CCDC170: variants seen among roughly 807,000 people sequenced by gnomAD.
The protein encoded by CCDC170 is coiled-coil domain containing 170, also known as coiled-coil domain-containing protein 170.
A neutral mutation model predicts 72.6 loss-of-function variants in CCDC170; 69 were observed. That is an observed-to-expected ratio of 0.95 (90% CI 0.78 to 1.16). The LOEUF (loss-of-function observed/expected upper bound fraction) is 1.16. Ranked by LOEUF, CCDC170 falls within the 50% of genes most tolerant of loss-of-function variation. CCDC170 has a pLI of 0.00. For missense variants in CCDC170, 852 were observed against 832.5 expected (o/e 1.02, Z -0.29); for synonymous variants, 300 against 303.9 (o/e 0.99, Z 0.13).
At chr6:151,521,542 G>C (rs1782315596) in intron 1 of CCDC170, among the ~76,000 whole-genome samples, 1 of 152,132 alleles carries the variant, frequency 6.6e-6, no homozygotes, top group African/African-American at 2.4e-5. Context: ...AGGAGGTTAG[G>C]CATTCTTAGT....
At chr6:151,537,179 A>T (rs1782602424) in intron 2 of CCDC170, among the ~76,000 whole-genome samples, 1 of 152,116 alleles carries the variant, frequency 6.6e-6, no homozygotes, top group African/African-American at 2.4e-5. Flanking sequence ...GAAGAGTGGG[A>T]TCCATCTACC....
At chr6:151,572,652 T>TTTTTTTTTTG in intron 5 of CCDC170, among the ~76,000 whole-genome samples, 1 of 77,536 alleles carries the variant, frequency 1.3e-5, no homozygotes, top group Non-Finnish European at 2.5e-5. Flanking sequence ...TCTCTGTGTT[T>TTTTTTTTTTG]TTTTTTTTTT....
chr6:151,593,022 T>C (rs1423430085), intron 7 of CCDC170, 85 bp from the exon 8 acceptor site: 2 of 1,413,204 alleles, frequency 1.4e-6, no homozygotes, highest in Non-Finnish European at 2.0e-6. Flanking sequence ...ACCTGTAAGC[T>C]TGGGAGAAAG....
chr6:151,533,667 CAAA>C (rs11347240), intron 1 of CCDC170, among the ~76,000 whole-genome samples: 66 of 141,410 alleles, frequency 4.7e-4, no homozygotes, highest in East Asian at 1.5e-3. Flanking sequence ...AACTCCATCT[CAAA>C]AAAAAAAAAA....
At chr6:151,599,614 T>C (rs1471816552) in intron 9 of CCDC170, among the ~76,000 whole-genome samples, 1 of 152,016 alleles carries the variant, frequency 6.6e-6, no homozygotes, top group African/African-American at 2.4e-5. Context: ...TGAGGAGCCA[T>C]TGGAGGATAA....
intron 9 of CCDC170, among the ~76,000 whole-genome samples, chr6:151,611,566 C>T (rs762093161): frequency 2.0e-5 from 3 of 152,190 alleles, no homozygotes; most frequent in African/African-American, 2.4e-5. Flanking sequence ...ACCTAAGCAA[C>T]TTCCAGAGGT....
intron 7 of CCDC170, among the ~76,000 whole-genome samples, chr6:151,587,054 G>A (rs908897868): frequency 2.6e-5 from 4 of 152,192 alleles, no homozygotes; most frequent in South Asian, 2.1e-4. Context: ...AAAGTGCTGG[G>A]ATTACAGGTG....
intron 5 of CCDC170, 67 bp from the exon 6 acceptor site, chr6:151,573,107 A>C (rs774076939): frequency 3.0e-5 from 42 of 1,418,512 alleles, no homozygotes; most frequent in African/African-American, 7.2e-5. Flanking sequence ...TGAATTTGCC[A>C]TAGCAAATGC....
chr6:151,527,116 C>T (rs538126142), intron 1 of CCDC170, among the ~76,000 whole-genome samples: 64 of 137,846 alleles, frequency 4.6e-4, no homozygotes, highest in African/African-American at 1.5e-3. Context: ...AGGCTGGCTA[C>T]GAACTCCTGG....
chr6:151,556,113 C>T (rs1782969617), intron 5 of CCDC170, among the ~76,000 whole-genome samples: 1 of 152,074 alleles, frequency 6.6e-6, no homozygotes, highest in African/African-American at 2.4e-5. Context: ...TATAAGACTC[C>T]TACAAAATGA....
chr6:151,494,022 G>A lies in CCDC170; in HGVS notation c.-107G>A, dbSNP rs1443193498. ...CCGCGCGCCGCCGCGTCCCCGCGGTGTTTACCCGTTGCCCGAGGAGACACC... is the reference window on the plus strand; with the variant it reads ...CCGCGCGCCGCCGCGTCCCCGCGGTATTTACCCGTTGCCCGAGGAGACACC... On this transcript the variant is annotated 5_prime_UTR_variant, in exon 1 of 11. Transcript: ENST00000239374. 21 of 1,141,708 alleles carry A rather than the reference G, an allele frequency of 1.8e-5. No individual in the cohort carries two copies. Among genetic ancestry groups the A allele is most frequent in the Middle Eastern group, 3.0e-4 (1 of 3,284 alleles). The allele number at this position is 1,141,708 out of a possible 1,614,324, so 70.7% of individuals were successfully genotyped here. A position where few individuals can be genotyped will look rare whatever the true frequency, so the allele number is the denominator to read the frequency against.
intron 9 of CCDC170, among the ~76,000 whole-genome samples, chr6:151,605,788 A>T (rs969392652): frequency 6.6e-6 from 1 of 151,196 alleles, no homozygotes; most frequent in African/African-American, 2.4e-5. Context: ...TCTCATCTTT[A>T]TATTTGAGTT....
chr6:151,572,321 A>G (rs1195959487), intron 5 of CCDC170, among the ~76,000 whole-genome samples: 1 of 152,192 alleles, frequency 6.6e-6, no homozygotes, highest in Non-Finnish European at 1.5e-5. Flanking sequence ...TTGGAAGTCA[A>G]TGAATAGTTT....
chr6:151,600,483 A>G (rs983491780), intron 9 of CCDC170, among the ~76,000 whole-genome samples: 1 of 151,992 alleles, frequency 6.6e-6, no homozygotes, highest in African/African-American at 2.4e-5. Context: ...TGTCTCTTAT[A>G]AGGACACCCA....
chr6:151,521,430 A>AC (rs79325305), intron 1 of CCDC170, among the ~76,000 whole-genome samples: 12,803 of 152,206 alleles, frequency 0.084, 901 homozygotes, highest in East Asian at 0.24. Context: ...CTAATTGTGG[A>AC]CTTTGTCTCA....
chr6:151,494,025 T>C lies in CCDC170; in HGVS notation c.-104T>C. ...CGCGCCGCCGCGTCCCCGCGGTGTTTACCCGTTGCCCGAGGAGACACCCGC... is the reference window on the plus strand; with the variant it reads ...CGCGCCGCCGCGTCCCCGCGGTGTTCACCCGTTGCCCGAGGAGACACCCGC... On this transcript the variant is annotated 5_prime_UTR_variant, in exon 1 of 11. Coordinates refer to ENST00000239374, the MANE Select transcript of CCDC170 (RefSeq NM_025059.4). 1 of 1,160,894 alleles carries C rather than the reference T, an allele frequency of 8.6e-7. No homozygotes were observed. Among genetic ancestry groups the C allele is most frequent in the Non-Finnish European group, 1.1e-6 (1 of 886,622 alleles). The allele number at this position is 1,160,894 out of a possible 1,614,324, so 71.9% of individuals were successfully genotyped here. A position where few individuals can be genotyped will look rare whatever the true frequency, so the allele number is the denominator to read the frequency against.
In CCDC170 at chr6:151,596,344, C is replaced by T; in HGVS notation, c.1477C>T (p.Gln493Ter). Residue 493 changes from glutamine to a stop codon, truncating the protein, a stop_gained, in exon 9 of 11, where the codon CAG becomes TAG. Transcript: ENST00000239374. LOFTEE classifies it high-confidence loss of function. ...GTTTGCATCAAACCAGCTAAAGACA[C>T]AGAAAGAGAGACTGGAGAGCAAAGA... ...AHNLQRKLKT[Q>*]KERLESKELH... 1 of 1,609,928 alleles carries T rather than the reference C, an allele frequency of 6.2e-7. No homozygotes were observed. The highest frequency in any genetic ancestry group is 8.5e-7 in the Non-Finnish European group (1 of 1,178,674).
chr6:151,541,891 T>A (rs1350623055), intron 3 of CCDC170, among the ~76,000 whole-genome samples: 22 of 143,194 alleles, frequency 1.5e-4, no homozygotes, highest in African/African-American at 5.3e-4. Flanking sequence ...TATATATTTT[T>A]TTTTTTAAGA....
intron 1 of CCDC170, among the ~76,000 whole-genome samples, chr6:151,518,816 G>T (rs1210195119): frequency 6.6e-6 from 1 of 152,168 alleles, no homozygotes; most frequent in Admixed American, 6.6e-5. Flanking sequence ...AAGCCAGCAG[G>T]TTTTTATTAA....
Sources: gnomAD v4.1 joint callset for allele counts (sites outside exome capture counted in the v4.1 genomes callset) on GRCh38, gnomAD v4.1.1 for gene constraint, MANE v1.5 for transcripts, NCBI Gene and HGNC (gene_info 2026-07-23, HGNC 2026-07-21) for gene names.